The following TGFBRAP1 variants were observed in gnomAD, a reference collection of about 807,000 sequenced individuals.
TGFBRAP1 encodes the protein transforming growth factor-beta receptor-associated protein 1.
In TGFBRAP1, 20 loss-of-function variants were observed where a neutral mutation model predicts 83.2. That is an observed-to-expected ratio of 0.24 (90% CI 0.17 to 0.35). TGFBRAP1 has a LOEUF of 0.35. Ranked by LOEUF, TGFBRAP1 falls within the 10% of genes least tolerant of loss-of-function variation. The pLI is 1.00. For synonymous variants in TGFBRAP1, 415 were observed against 459.8 expected (o/e 0.90, Z 1.25); for missense variants, 950 against 1,099.4 (o/e 0.86, Z 1.92).
At chr2:105,271,129 C>T (rs1677141957) in intron 10 of TGFBRAP1, among the ~76,000 whole-genome samples, 1 of 152,224 alleles carries the variant, frequency 6.6e-6, no homozygotes, top group African/African-American at 2.4e-5. Flanking sequence ...CTGACCCCTC[C>T]ACCCCAAGGC....
chr2:105,256,594 C>T, the TGFBRAP1 span, among the ~76,000 whole-genome samples: 4 of 152,276 alleles, frequency 2.6e-5, no homozygotes, highest in East Asian at 1.9e-4. Context: ...TATGAGTACA[C>T]AGTCAAAAAC....
At chr2:105,317,163 G>A (rs945177250) in intron 1 of TGFBRAP1, among the ~76,000 whole-genome samples, 13 of 151,268 alleles carry the variant, frequency 8.6e-5, no homozygotes, top group African/African-American at 3.2e-4. Flanking sequence ...ATTCTGCCAG[G>A]TATAGTGGCT....
chr2:105,255,357 C>T, the TGFBRAP1 span, among the ~76,000 whole-genome samples: 2 of 152,036 alleles, frequency 1.3e-5, no homozygotes, highest in African/African-American at 4.8e-5. Context: ...CACTGTGTTG[C>T]CCACAGTGCA....
intron 2 of TGFBRAP1, among the ~76,000 whole-genome samples, chr2:105,304,422 A>C (rs1678417163): frequency 6.6e-6 from 1 of 152,260 alleles, no homozygotes; most frequent in Non-Finnish European, 1.5e-5. Flanking sequence ...GCTGGGCTAA[A>C]GAATGTTTTC....
chr2:105,283,353 T>C (rs1677606594), intron 5 of TGFBRAP1, among the ~76,000 whole-genome samples: 1 of 152,154 alleles, frequency 6.6e-6, no homozygotes, highest in African/African-American at 2.4e-5. Context: ...GAGTGAAAGA[T>C]TAGAGCCACC....
intron 4 of TGFBRAP1, among the ~76,000 whole-genome samples, chr2:105,292,145 A>C (rs1677936616): frequency 6.6e-6 from 1 of 152,216 alleles, no homozygotes; most frequent in Non-Finnish European, 1.5e-5. Context: ...GAAAACCAAA[A>C]TGACTGGAAA....
the TGFBRAP1 span, among the ~76,000 whole-genome samples, chr2:105,253,988 G>A: frequency 1.3e-5 from 2 of 151,460 alleles, no homozygotes; most frequent in Non-Finnish European, 2.9e-5. Flanking sequence ...AGTGATTTCT[G>A]GTGGCCAGGA....
the TGFBRAP1 span, among the ~76,000 whole-genome samples, chr2:105,258,207 C>G: frequency 4.6e-5 from 7 of 152,200 alleles, no homozygotes; most frequent in Admixed American, 4.6e-4. Flanking sequence ...CTCATCAGCC[C>G]CAGATGCTTC....
At chr2:105,297,016 C>T (rs890506462) in intron 3 of TGFBRAP1, among the ~76,000 whole-genome samples, 6 of 151,986 alleles carry the variant, frequency 3.9e-5, no homozygotes, top group African/African-American at 1.5e-4. Context: ...AAAGTCTTGC[C>T]ATTAATGTAT....
At chr2:105,319,979 G>T (rs1424671531) in intron 1 of TGFBRAP1, among the ~76,000 whole-genome samples, 1 of 151,606 alleles carries the variant, frequency 6.6e-6, no homozygotes, top group Non-Finnish European at 1.5e-5. Context: ...TCCTAATCTG[G>T]TACAGAGATA....
chr2:105,317,900 T>A (rs1678933997), intron 1 of TGFBRAP1, among the ~76,000 whole-genome samples: 1 of 152,214 alleles, frequency 6.6e-6, no homozygotes, highest in African/African-American at 2.4e-5. Flanking sequence ...GATTAGCACC[T>A]GGAATTTGCA....
the TGFBRAP1 span, among the ~76,000 whole-genome samples, chr2:105,256,860 A>G: frequency 6.6e-6 from 1 of 152,344 alleles, no homozygotes; most frequent in Non-Finnish European, 1.5e-5. Flanking sequence ...AACAGCTTGC[A>G]GTAAAGAAGC....
the TGFBRAP1 span, among the ~76,000 whole-genome samples, chr2:105,258,551 A>G: frequency 6.6e-6 from 1 of 151,814 alleles, no homozygotes; most frequent in Non-Finnish European, 1.5e-5. Flanking sequence ...ACTGGGATTT[A>G]GACCATCAGC....
chr2:105,286,455 C>A (rs1340697846), intron 4 of TGFBRAP1, among the ~76,000 whole-genome samples: 1 of 152,176 alleles, frequency 6.6e-6, no homozygotes, highest in East Asian at 1.9e-4. Flanking sequence ...AACCTGGAGC[C>A]AGGTAGGCTG....
downstream of TGFBRAP1, among the ~76,000 whole-genome samples, chr2:105,262,494 A>G (rs1676812625): frequency 6.6e-6 from 1 of 152,222 alleles, no homozygotes; most frequent in Admixed American, 6.5e-5. Context: ...CAGCCTGTAG[A>G]ACAATGAGCC....
At chr2:105,316,247 G>T (rs1448398536) in intron 1 of TGFBRAP1, among the ~76,000 whole-genome samples, 1 of 151,592 alleles carries the variant, frequency 6.6e-6, no homozygotes, top group Non-Finnish European at 1.5e-5. Context: ...TTTATTTAAG[G>T]TATTAGCTAT....
In TGFBRAP1 at chr2:105,298,531, T is replaced by C. The variant is rs755768174; in HGVS notation, c.863A>G (p.His288Arg). 1.6e-4 allele frequency: 253 copies of C among 1,607,144 alleles called. No homozygotes were observed. The highest frequency in any genetic ancestry group is 2.1e-4 in the Non-Finnish European group (248 of 1,175,330). The part of the protein sequence containing the change: ...QKQTLPFKEG[H>R]ILQDFEGRVI... ...AGTACCTTCAAAGTCCTGTAGGATA[T>C]GGCCCTCCTTAAAGGGCAGCGTCTG... Residue 288 changes from histidine (H) to arginine (R), a missense_variant, in exon 3 of 12, where the codon CAT becomes CGT. Coordinates refer to ENST00000393359, the MANE Select transcript of TGFBRAP1 (RefSeq NM_004257.6).
At chr2:105,250,346 A>G in the TGFBRAP1 span, among the ~76,000 whole-genome samples, 1 of 152,128 alleles carries the variant, frequency 6.6e-6, no homozygotes, top group Non-Finnish European at 1.5e-5. Flanking sequence ...CTGGGTCTCT[A>G]TGTTCCATCT....
intron 7 of TGFBRAP1, among the ~76,000 whole-genome samples, chr2:105,276,193 T>A (rs1677337375): frequency 6.6e-6 from 1 of 152,216 alleles, no homozygotes. Flanking sequence ...TTCTGTCCCC[T>A]GAGTTCACAC....
Sources: gnomAD v4.1 joint callset for allele counts (sites outside exome capture counted in the v4.1 genomes callset) on GRCh38, gnomAD v4.1.1 for gene constraint, MANE v1.5 for transcripts, NCBI Gene and HGNC (gene_info 2026-07-23, HGNC 2026-07-21) for gene names.